NUP85: variants seen among roughly 807,000 people sequenced by gnomAD.
NUP85 encodes nuclear pore complex protein Nup85.
A neutral mutation model predicts 92.8 loss-of-function variants in NUP85; 23 were observed. That is an observed-to-expected ratio of 0.25 (90% CI 0.18 to 0.35). The LOEUF (loss-of-function observed/expected upper bound fraction) is 0.35. Among genes scored for constraint, NUP85 ranks in the 10% least tolerant of loss-of-function variants. The probability of loss-of-function intolerance (pLI) is 1.00; values close to 1 mark genes in which losing one functional copy is unlikely to be tolerated. For synonymous variants in NUP85, 314 were observed against 306.9 expected (o/e 1.02, Z -0.24); for missense variants, 759 against 822.8 (o/e 0.92, Z 0.95).
At chr17:75,215,913 T>A (rs2075417283) in intron 6 of NUP85, 90 bp downstream of exon 6, 2 of 1,125,656 alleles carry the variant, frequency 1.8e-6, no homozygotes, top group East Asian at 4.7e-5. Context: ...GTGATGAGTG[T>A]TTTATTCCTG....
chr17:75,215,602 G>A (rs1276278428), intron 5 of NUP85, 152 bp from the exon 6 acceptor site: 7 of 645,382 alleles, frequency 1.1e-5, no homozygotes, highest in Non-Finnish European at 1.9e-5. Flanking sequence ...TCCTCACGCT[G>A]GCTCCCCTGT....
At chr17:75,227,467 C>G (rs1224416224) in intron 11 of NUP85, among the ~76,000 whole-genome samples, 1 of 151,574 alleles carries the variant, frequency 6.6e-6, no homozygotes, top group Non-Finnish European at 1.5e-5. Context: ...TCCCAAGTAG[C>G]TGGGATTACA....
At chr17:75,218,594 T>TG (rs1568076632) in intron 7 of NUP85, among the ~76,000 whole-genome samples, 1 of 137,180 alleles carries the variant, frequency 7.3e-6, no homozygotes, top group African/African-American at 2.7e-5. Flanking sequence ...AACCGTTTTT[T>TG]TTTTTTTTTT....
chr17:75,231,541 G>T lies in NUP85; in HGVS notation c.1179-32G>T. 1 of 1,613,680 alleles carries T rather than the reference G, an allele frequency of 6.2e-7. No individual in the cohort carries two copies. Among genetic ancestry groups the T allele is most frequent in the Non-Finnish European group, 8.5e-7 (1 of 1,179,552 alleles). On this transcript the variant is annotated intron_variant, in intron 12 of 18. Coordinates refer to ENST00000245544, the MANE Select transcript of NUP85 (RefSeq NM_024844.5). This position sits in a 1 kb window ranked among gnomAD's most constrained non-coding sequence, Gnocchi z 4.6. ...GGGGGCCCTGAACAGGGCAGGCCAG[G>T]AGTCTTGGTCTTTTGTTATGTTTTA...
Position 75,226,109 on chromosome 17 carries a change from T to C in NUP85, c.1046T>C (p.Leu349Ser). The C allele has an allele frequency of 6.2e-7, 1 of 1,614,124 alleles. No individual in the cohort carries two copies. ...ESSPEPLDNILLAAFEFDIHQ... is the reference protein window; with the variant it reads ...ESSPEPLDNISLAAFEFDIHQ... ...AGCCCAGAACCCCTGGACAACATCT[T>C]GTTGGCAGCCTTTGAGTTTGACATC... Residue 349 changes from leucine to serine, a missense_variant, in exon 11 of 19, where the codon TTG becomes TCG. By Grantham distance (145) the Leu-to-Ser change is moderately radical. Coordinates refer to ENST00000245544, the MANE Select transcript of NUP85 (RefSeq NM_024844.5).
Position 75,231,436 on chromosome 17 carries a change from G to C in NUP85, c.1178+13G>C, listed in dbSNP as rs552086683. Reference sequence around the variant, plus strand: ...CACACAACCTCTAGTAAGTGGCCGGGAGGCACCGATCCTCCTCTTCTTACC... The same window carrying C: ...CACACAACCTCTAGTAAGTGGCCGGCAGGCACCGATCCTCCTCTTCTTACC... On this transcript the variant is annotated intron_variant, in intron 12 of 18. Transcript: ENST00000245544. The surrounding 1 kb of genome is among the most constrained non-coding windows in gnomAD (Gnocchi z 4.6). 6.2e-7 allele frequency: 1 copy of C among 1,614,046 alleles called. No homozygotes were observed. The highest frequency in any genetic ancestry group is 1.7e-5 in the Admixed American group (1 of 60,028).
chr17:75,225,661 G>A, intron 9 of NUP85, 37 bp from the exon 10 acceptor site: 1 of 1,612,308 alleles, frequency 6.2e-7, no homozygotes, highest in East Asian at 2.2e-5. Context: ...GTACCCCTGA[G>A]AGGAGGACAG....
rs200105089 is a variant in NUP85, at chr17:75,208,538, C to A, written c.45C>A (p.Gly15=). 1 of 1,582,816 alleles carries A rather than the reference C, an allele frequency of 6.3e-7. No homozygotes were observed. The change falls in exon 2 of 19, where the codon GGC becomes GGA. Residue 15 remains glycine (G), a synonymous_variant. Coordinates refer to ENST00000245544, the MANE Select transcript of NUP85 (RefSeq NM_024844.5). The part of the protein sequence containing the change: ...DGEPTVTLIP[G]VNSKKNQMYF... ...CCTTATTTTACTAGTTGATTCCAGG[C>A]GTGAATTCCAAGAAGAACCAAATGT...
chr17:75,231,443 C>G lies in NUP85; in HGVS notation c.1178+20C>G, dbSNP rs753410107. On this transcript the variant is annotated intron_variant, in intron 12 of 18. Coordinates refer to ENST00000245544, the MANE Select transcript of NUP85 (RefSeq NM_024844.5). This position sits in a 1 kb window ranked among gnomAD's most constrained non-coding sequence, Gnocchi z 4.6. ...CCTCTAGTAAGTGGCCGGGAGGCAC[C>G]GATCCTCCTCTTCTTACCACCAGGC... 6.2e-7 allele frequency: 1 copy of G among 1,613,308 alleles called. No individual in the cohort carries two copies. Among genetic ancestry groups the G allele is most frequent in the South Asian group, 1.1e-5 (1 of 91,054 alleles).
Position 75,231,464 on chromosome 17 carries a change from C to T in NUP85, c.1178+41C>T. 1 of 1,611,656 alleles carries T rather than the reference C, an allele frequency of 6.2e-7. No individual in the cohort carries two copies. The highest frequency in any genetic ancestry group is 1.1e-5 in the South Asian group (1 of 91,008). On this transcript the variant is annotated intron_variant, in intron 12 of 18. Transcript: ENST00000245544. The surrounding 1 kb of genome is among the most constrained non-coding windows in gnomAD (Gnocchi z 4.6). ...GCACCGATCCTCCTCTTCTTACCAC[C>T]AGGCCCCCGAGGGTGGTGTGAACTG...
intron 11 of NUP85, among the ~76,000 whole-genome samples, chr17:75,230,044 A>ATTTT (rs3082648): frequency 2.0e-4 from 28 of 140,398 alleles, no homozygotes; most frequent in South Asian, 4.5e-4. Context: ...GGTGTACAAA[A>ATTTT]TTTTTTTTTT....
rs746014811 is a variant in NUP85 at position 75,213,134 on chromosome 17, C to T, written c.405+15C>T. 5.6e-6 allele frequency: 9 copies of T among 1,612,730 alleles called. No individual in the cohort carries two copies. The highest frequency in any genetic ancestry group is 5.0e-5 in the Admixed American group (3 of 59,816). On this transcript the variant is annotated intron_variant, in intron 5 of 18. Transcript: ENST00000245544. ...TCAGCAGCCAGGTAAGGGGAGTCAC[C>T]TTTATTGTTTTAGCACCACTGTGTC...
chr17:75,214,457 A>G (rs1446005710), intron 5 of NUP85, among the ~76,000 whole-genome samples: 4 of 152,164 alleles, frequency 2.6e-5, no homozygotes, highest in Non-Finnish European at 4.4e-5. Flanking sequence ...TTTGAATACC[A>G]GCTTCACAAT....
At chr17:75,229,884 A>G (rs756783392) in intron 11 of NUP85, among the ~76,000 whole-genome samples, 2 of 151,848 alleles carry the variant, frequency 1.3e-5, no homozygotes, top group Non-Finnish European at 2.9e-5. Context: ...TGGCTTCTCC[A>G]ATGGTTTCGA....
chr17:75,234,971 G>C, intron 17 of NUP85, 129 bp from the exon 18 acceptor site: 3 of 1,038,922 alleles, frequency 2.9e-6, no homozygotes, highest in Non-Finnish European at 1.5e-6. Context: ...GATTTGAAAT[G>C]AGGTATTCGT....
At chr17:75,229,438 C>T (rs550387855) in intron 11 of NUP85, among the ~76,000 whole-genome samples, 3 of 152,298 alleles carry the variant, frequency 2.0e-5, no homozygotes, top group East Asian at 1.9e-4. Flanking sequence ...GTCTTCCCAA[C>T]TCCGCAGCGT....
intron 15 of NUP85, 28 bp from the exon 16 acceptor site, chr17:75,233,030 G>C (rs941769803): frequency 6.2e-7 from 1 of 1,613,530 alleles, no homozygotes; most frequent in Non-Finnish European, 8.5e-7. Flanking sequence ...TGAGACTGCT[G>C]CTCTGATCTC....
rs1052423601 is a variant in NUP85 at position 75,215,669 on chromosome 17, G to C, written c.406-85G>C. 1.5e-5 allele frequency: 18 copies of C among 1,214,122 alleles called. No homozygotes were observed. In the African/African-American group the frequency reaches 2.6e-4, roughly 17 times the overall value. 75.2% of individuals were successfully genotyped at this position (1,214,122 alleles called of 1,614,324 possible). Reference sequence around the variant, plus strand: ...TTGGGTTAAGGAATGACTGTCATATGAGTCAAAGTCTGCTTTATCCCTTGG... The same window carrying C: ...TTGGGTTAAGGAATGACTGTCATATCAGTCAAAGTCTGCTTTATCCCTTGG... On this transcript the variant is annotated intron_variant, in intron 5 of 18. Coordinates refer to ENST00000245544, the MANE Select transcript of NUP85 (RefSeq NM_024844.5).
In NUP85 at chr17:75,214,348, A is replaced by T. The variant is rs552905686; in HGVS notation, c.405+1229A>T. Among the ~76,000 whole-genome samples, 3 of 152,276 alleles carry T rather than the reference A, an allele frequency of 2.0e-5. No homozygotes were observed. The South Asian group carries it at 6.2e-4, about 32-fold the overall frequency. On this transcript the variant is annotated intron_variant, in intron 5 of 18. Coordinates refer to ENST00000245544, the MANE Select transcript of NUP85 (RefSeq NM_024844.5). ...TGGACTGAAGGATGGTGAGGAAGGGAAGCCTGCGTATTCCTAAGGGCAAGG... is the reference window on the plus strand; with the variant it reads ...TGGACTGAAGGATGGTGAGGAAGGGTAGCCTGCGTATTCCTAAGGGCAAGG...
Sources: gnomAD v4.1 joint callset for allele counts (sites outside exome capture counted in the v4.1 genomes callset) on GRCh38, gnomAD v4.1.1 for gene constraint, Gnocchi (gnomAD v3.1) non-coding constraint, MANE v1.5 for transcripts, NCBI Gene and HGNC (gene_info 2026-07-23, HGNC 2026-07-21) for gene names.